Variants in MYO5B observed in about 807,000 individuals in gnomAD.
MYO5B encodes the protein unconventional myosin-Vb.
Under a neutral mutation model 229.3 loss-of-function variants are expected in MYO5B, and 143 were observed. That is an observed-to-expected ratio of 0.62 (90% CI 0.54 to 0.72). The LOEUF (loss-of-function observed/expected upper bound fraction) is 0.72. Among genes scored for constraint, MYO5B ranks in the 30% least tolerant of loss-of-function variants. The pLI is 0.00. For synonymous variants in MYO5B, 918 were observed against 885.2 expected, an observed-to-expected ratio of 1.04 and a Z score of -0.66; for missense variants, 2,321 against 2,331.0, an observed-to-expected ratio of 1.00 and a Z score of 0.09.
chr18:50,140,981 A>C (rs752784763), intron 1 of MYO5B, among the ~76,000 whole-genome samples: 1 of 152,216 alleles, frequency 6.6e-6, no homozygotes, highest in Non-Finnish European at 1.5e-5. Flanking sequence ...ACTGCCAATC[A>C]GGGAAGCTCA....
chr18:49,863,267 C>A lies in MYO5B; in HGVS notation c.3904G>T (p.Asp1302Tyr), dbSNP rs901130766. The change falls in exon 29 of 40, where the codon GAT becomes TAT. Residue 1302 changes from aspartate to tyrosine, a missense_variant. Transcript: ENST00000285039. ...PNSEKHVDQE[D>Y]AIEAYHGVCQ... Reference sequence around the variant, plus strand: ...ACCCCGTGATAGGCCTCAATGGCATCCTCCTGGTCAACATGCTTTTCACTG... The same window carrying A: ...ACCCCGTGATAGGCCTCAATGGCATACTCCTGGTCAACATGCTTTTCACTG... The A allele has an allele frequency of 4.3e-6, 7 of 1,613,680 alleles. No individual in the cohort carries two copies. The highest frequency in any genetic ancestry group is 4.2e-6 in the Non-Finnish European group (5 of 1,180,018).
intron 8 of MYO5B, among the ~76,000 whole-genome samples, chr18:49,981,506 T>G (rs1407824711): frequency 6.6e-6 from 1 of 152,278 alleles, no homozygotes; most frequent in Non-Finnish European, 1.5e-5. Context: ...TAGGCTTTTA[T>G]GTTAGATGGC....
chr18:50,012,326 C>T lies in MYO5B; in HGVS notation c.456-10915G>A, dbSNP rs923548053. On this transcript the variant is annotated intron_variant, in intron 4 of 39. Coordinates refer to ENST00000285039, the MANE Select transcript of MYO5B (RefSeq NM_001080467.3). ...GTTCATGGTCAACATTAGCCTAATA[C>T]AATGTACCACTGAACTGAAAGATGA... Among the ~76,000 whole-genome samples, 19 of 152,298 alleles carry T rather than the reference C, an allele frequency of 1.2e-4. 2 individuals carry two copies. In the Middle Eastern group the frequency reaches 0.01, roughly 82 times the overall value.
At chr18:49,867,662 A>T (rs1473752039) in intron 27 of MYO5B, among the ~76,000 whole-genome samples, 1 of 152,206 alleles carries the variant, frequency 6.6e-6, no homozygotes, top group Non-Finnish European at 1.5e-5. Flanking sequence ...TACAAAGTAG[A>T]TATTTCACAC....
At chr18:49,949,706 A>T (rs559080370) in intron 14 of MYO5B, among the ~76,000 whole-genome samples, 1 of 152,202 alleles carries the variant, frequency 6.6e-6, no homozygotes, top group South Asian at 2.1e-4. Flanking sequence ...CTTTAGGTAA[A>T]ATTATGAATT....
intron 1 of MYO5B, among the ~76,000 whole-genome samples, chr18:50,106,677 C>T (rs940978915): frequency 5.9e-5 from 9 of 152,226 alleles, no homozygotes; most frequent in African/African-American, 2.2e-4. Flanking sequence ...CTTCCAACTC[C>T]CGAGGCCTGG....
chr18:49,879,193 G>A (rs1024535986), intron 23 of MYO5B, 103 bp from the exon 24 acceptor site: 70 of 1,378,614 alleles, frequency 5.1e-5, no homozygotes, highest in Admixed American at 3.1e-4. Context: ...TGCCCATGAC[G>A]AGCTCATCAG....
In MYO5B at chr18:49,990,429, G is replaced by A. The variant is rs1372556977; in HGVS notation, c.838+10C>T. The A allele has an allele frequency of 5.6e-6, 9 of 1,610,200 alleles. No individual in the cohort carries two copies. In the Admixed American group the frequency reaches 1.5e-4, roughly 27 times the overall value. On this transcript the variant is annotated intron_variant, in intron 7 of 39. Transcript: ENST00000285039. ...CACCCCAGAGGATAGGCATGCACCT[G>A]TTGACTTACTTAGTGCAAGCTCTTT...
At chr18:49,917,466 C>T (rs1056679352) in intron 17 of MYO5B, among the ~76,000 whole-genome samples, 9 of 37,534 alleles carry the variant, frequency 2.4e-4, no homozygotes, top group Admixed American at 1.7e-3. Context: ...GTTTGTAAAA[C>T]GTTTACTCCA....
chr18:49,849,098 G>T (rs2024167499), intron 32 of MYO5B, among the ~76,000 whole-genome samples: 1 of 151,992 alleles, frequency 6.6e-6, no homozygotes, highest in Non-Finnish European at 1.5e-5. Flanking sequence ...GGAGTCAGAG[G>T]GAGAGAACAT....
intron 1 of MYO5B, among the ~76,000 whole-genome samples, chr18:50,190,192 T>A (rs1377210018): frequency 4.6e-5 from 7 of 152,352 alleles, no homozygotes; most frequent in African/African-American, 7.2e-5. Context: ...CTTCTATAGA[T>A]AAGAGTTGTA....
At chr18:49,972,504 T>G (rs9963529) in intron 10 of MYO5B, among the ~76,000 whole-genome samples, 91,675 of 152,062 alleles carry the variant, frequency 0.6, 28,694 homozygotes, top group Non-Finnish European at 0.7. Context: ...ATCATAAAAT[T>G]TTTACATGCT....
At chr18:50,087,867 C>T (rs1426447315) in intron 1 of MYO5B, among the ~76,000 whole-genome samples, 1 of 152,090 alleles carries the variant, frequency 6.6e-6, no homozygotes, top group East Asian at 1.9e-4. Flanking sequence ...GGGGACTCAG[C>T]CCTCATGCTA....
At chr18:49,949,351 C>T (rs575632384) in intron 14 of MYO5B, among the ~76,000 whole-genome samples, 2 of 149,874 alleles carry the variant, frequency 1.3e-5, no homozygotes, top group Non-Finnish European at 3.0e-5. Context: ...AAAAGGAAAA[C>T]CTCCATCCTT....
intron 12 of MYO5B, among the ~76,000 whole-genome samples, chr18:49,957,477 C>T (rs1168710038): frequency 6.6e-6 from 1 of 151,994 alleles, no homozygotes. Flanking sequence ...GAGACCTCAT[C>T]TCTACAAAAA....
chr18:49,965,200 T>C (rs532018677), intron 10 of MYO5B, among the ~76,000 whole-genome samples: 6 of 152,150 alleles, frequency 3.9e-5, no homozygotes, highest in African/African-American at 1.4e-4. Context: ...AAGATGTGGA[T>C]GAGAGGGCCT....
chr18:50,086,909 T>C (rs1295933372), intron 1 of MYO5B, among the ~76,000 whole-genome samples: 3 of 152,150 alleles, frequency 2.0e-5, no homozygotes, highest in African/African-American at 7.2e-5. Context: ...GAGTGGTCTG[T>C]ATACAGCAAC....
At chr18:50,116,706 C>T (rs770742660) in intron 1 of MYO5B, among the ~76,000 whole-genome samples, 3 of 151,866 alleles carry the variant, frequency 2.0e-5, no homozygotes, top group Admixed American at 6.6e-5. Context: ...CATAGCTTCA[C>T]GGGGGAACTC....
Position 50,170,363 on chromosome 18 carries a change from C to T in MYO5B, c.27+24404G>A, listed in dbSNP as rs1466152322. ...TTTGACTAGACCACCACAAGAACAC[C>T]GCCTCTATGAGAAAGATCCTAGATG... is the stretch of plus-strand genomic sequence containing the variant. On this transcript the variant is annotated intron_variant, in intron 1 of 39. Coordinates refer to ENST00000285039, the MANE Select transcript of MYO5B (RefSeq NM_001080467.3). Among the ~76,000 whole-genome samples the T allele has an allele frequency of 2.4e-5, 3 of 127,050 alleles. 1 individual carries two copies. Among genetic ancestry groups the T allele is most frequent in the Non-Finnish European group, 5.0e-5 (3 of 59,610 alleles). The allele number at this position is 127,050 out of a possible 152,430, so 83.3% of individuals were successfully genotyped here.
Sources: gnomAD v4.1 joint callset for allele counts (sites outside exome capture counted in the v4.1 genomes callset) on GRCh38, gnomAD v4.1.1 for gene constraint, MANE v1.5 for transcripts, NCBI Gene and HGNC (gene_info 2026-07-23, HGNC 2026-07-21) for gene names.